Variants in CLTC observed in about 807,000 individuals in gnomAD.
CLTC encodes the protein clathrin heavy chain, also known as clathrin heavy chain 1.
CLTC carries 16 observed loss-of-function variants against 195.8 expected under a neutral mutation model. The ratio of observed to expected loss-of-function variants is 0.08; its 90% CI spans 0.06 to 0.12. The LOEUF (loss-of-function observed/expected upper bound fraction) is 0.12, where lower values mean the gene tolerates loss of function less well. Ranked by LOEUF, CLTC falls within the 10% of genes least tolerant of loss-of-function variation. The pLI is 1.00. For missense variants in CLTC, 796 were observed against 2,027.0 expected, an observed-to-expected ratio of 0.39 and a Z score of 11.66; for synonymous variants, 667 against 689.4, an observed-to-expected ratio of 0.97 and a Z score of 0.51.
intron 5 of CLTC, among the ~76,000 whole-genome samples, chr17:59,654,135 G>T (rs1403315589): frequency 6.6e-6 from 1 of 152,052 alleles, no homozygotes; most frequent in Non-Finnish European, 1.5e-5. Context: ...CTGTGGCTGG[G>T]ATACAGACAC....
Position 59,682,570 on chromosome 17 carries a change from A to G in CLTC, c.3601-59A>G. ...TCTCATTGTGAAGATATCAATTTGA[A>G]AAGAGGATTAAGCTCACACTAATAT... On this transcript the variant is annotated intron_variant, in intron 22 of 31. Transcript: ENST00000269122. This position sits in a 1 kb window ranked among gnomAD's most constrained non-coding sequence, Gnocchi z 6.8. 1 of 1,588,762 alleles carries G rather than the reference A, an allele frequency of 6.3e-7. No individual in the cohort carries two copies.
chr17:59,655,892 G>A lies in CLTC; in HGVS notation c.834G>A (p.Lys278=), dbSNP rs752135383. Residue 278 remains lysine, a synonymous_variant, in exon 6 of 32, where the codon AAG becomes AAA. Transcript: ENST00000269122. ...EKHDVVFLIT[K]YGYIHLYDLE... The stretch of plus-strand genomic sequence containing the variant: ...ATGATGTGGTGTTCTTGATAACCAA[G>A]TATGGTTATATCCACCTCTATGATC... 1.7e-5 allele frequency: 28 copies of A among 1,603,004 alleles called. No individual in the cohort carries two copies. The Admixed American group carries it at 4.8e-4, about 28-fold the overall frequency.
rs192656845 is a variant in CLTC, at chr17:59,639,251, C to G, written c.43-5025C>G. On this transcript the variant is annotated intron_variant, in intron 1 of 31. Coordinates refer to ENST00000269122, the MANE Select transcript of CLTC (RefSeq NM_004859.4). ...ATAACTCTGAAATGCAAAAGTATCT[C>G]TAATTGCTTAGGGGAGAAGGGTATT... Among the ~76,000 whole-genome samples, 34 of 152,254 alleles carry G rather than the reference C, an allele frequency of 2.2e-4. No homozygotes were observed. In the East Asian group the frequency reaches 6.4e-3, roughly 28 times the overall value.
intron 1 of CLTC, among the ~76,000 whole-genome samples, chr17:59,634,338 G>T (rs73331144): frequency 0.041 from 6,302 of 152,080 alleles, 352 homozygotes; most frequent in African/African-American, 0.13. Flanking sequence ...CATAATCTTG[G>T]TAAGTCATAT....
chr17:59,647,161 A>G (rs1222214845), intron 2 of CLTC, among the ~76,000 whole-genome samples: 1 of 152,204 alleles, frequency 6.6e-6, no homozygotes, highest in Non-Finnish European at 1.5e-5. Flanking sequence ...ATTCCATGGA[A>G]GTCATACTAT....
At chr17:59,670,727 TA>T (rs1235569018) in intron 14 of CLTC, among the ~76,000 whole-genome samples, 2 of 152,040 alleles carry the variant, frequency 1.3e-5, no homozygotes, top group African/African-American at 2.4e-5. Context: ...TTTTGAGCTT[TA>T]AAAAAAATCC....
intron 14 of CLTC, among the ~76,000 whole-genome samples, chr17:59,671,469 G>A (rs1041378111): frequency 6.6e-6 from 1 of 152,124 alleles, no homozygotes; most frequent in Admixed American, 6.6e-5. Context: ...GAATATTCAA[G>A]TGCCAATTGT....
At chr17:59,674,621 G>A (rs958009951) in intron 15 of CLTC, 80 bp from the exon 16 acceptor site, 14 of 1,283,678 alleles carry the variant, frequency 1.1e-5, no homozygotes, top group African/African-American at 3.1e-5. Flanking sequence ...GCTTAAAAGC[G>A]ATAGAGATAA....
chr17:59,669,737 T>TATATATATAA (rs34143309), intron 14 of CLTC, among the ~76,000 whole-genome samples: 47 of 151,594 alleles, frequency 3.1e-4, no homozygotes, highest in African/African-American at 1.1e-3. Context: ...TATATATATA[T>TATATATATAA]AATGATTCCT....
chr17:59,656,246 A>G, intron 6 of CLTC: 1 of 409,494 alleles, frequency 2.4e-6, no homozygotes, highest in Middle Eastern at 6.7e-4. Context: ...ATATATACCT[A>G]AAAATAGAGA....
rs370401171 is a variant in CLTC, at chr17:59,681,869, C to G, written c.3442+30C>G. 5.8e-6 allele frequency: 9 copies of G among 1,551,992 alleles called. No individual in the cohort carries two copies. The highest frequency in any genetic ancestry group is 7.9e-6 in the Non-Finnish European group (9 of 1,140,106). On this transcript the variant is annotated intron_variant, in intron 21 of 31. Transcript: ENST00000269122. This position sits in a 1 kb window ranked among gnomAD's most constrained non-coding sequence, Gnocchi z 5.0. ...GACTTCTTACCTTATGTATTGAAAC[C>G]TCATAAAATGATTAAGCTAAGCATT...
chr17:59,681,891 C>T lies in CLTC; in HGVS notation c.3442+52C>T. 1 of 1,456,116 alleles carries T rather than the reference C, an allele frequency of 6.9e-7. No homozygotes were observed. 90.2% of individuals were successfully genotyped at this position (1,456,116 alleles called of 1,614,324 possible). A position where few individuals can be genotyped will look rare whatever the true frequency, so the allele number is the denominator to read the frequency against. ...AACCTCATAAAATGATTAAGCTAAGCATTAAGATATCTGTCTATTCTGAAT... is the reference window on the plus strand; with the variant it reads ...AACCTCATAAAATGATTAAGCTAAGTATTAAGATATCTGTCTATTCTGAAT... On this transcript the variant is annotated intron_variant, in intron 21 of 31. Transcript: ENST00000269122. This position sits in a 1 kb window ranked among gnomAD's most constrained non-coding sequence, Gnocchi z 5.0.
intron 1 of CLTC, among the ~76,000 whole-genome samples, 155 bp downstream of exon 1, chr17:59,620,328 T>G (rs1393655627): frequency 6.6e-6 from 1 of 151,758 alleles, no homozygotes; most frequent in African/African-American, 2.4e-5. Context: ...CTTGGAAAGC[T>G]TAAAATATTA....
intron 31 of CLTC, among the ~76,000 whole-genome samples, chr17:59,691,473 G>C (rs2033296179): frequency 1.3e-5 from 2 of 151,670 alleles, no homozygotes; most frequent in Admixed American, 6.6e-5. Flanking sequence ...AAATGCAAAA[G>C]ATTAGCCGGG....
chr17:59,679,600 G>A lies in CLTC; in HGVS notation c.2919+81G>A, dbSNP rs373405059. 1.5e-5 allele frequency: 19 copies of A among 1,278,036 alleles called. No homozygotes were observed. In the South Asian group the frequency reaches 3.0e-4, roughly 20 times the overall value. 79.2% of individuals were successfully genotyped at this position (1,278,036 alleles called of 1,614,324 possible). A position where few individuals can be genotyped will look rare whatever the true frequency, so the allele number is the denominator to read the frequency against. On this transcript the variant is annotated intron_variant, in intron 18 of 31. Transcript: ENST00000269122. ...TGAATACAATCCTTTCCCTCATCATGTACTCAAATGGATCATATATAACTA... is the reference window on the plus strand; with the variant it reads ...TGAATACAATCCTTTCCCTCATCATATACTCAAATGGATCATATATAACTA...
chr17:59,655,952 C>T lies in CLTC; in HGVS notation c.894C>T (p.Ile298=). 1 of 1,613,082 alleles carries T rather than the reference C, an allele frequency of 6.2e-7. No individual in the cohort carries two copies. Among genetic ancestry groups the T allele is most frequent in the Non-Finnish European group, 8.5e-7 (1 of 1,179,642 alleles). The change falls in exon 6 of 32, where the codon ATC becomes ATT. Residue 298 remains isoleucine (I), a synonymous_variant. Transcript: ENST00000269122. ...GTACCTGCATCTACATGAATAGAAT[C>T]AGTGGAGAAACAATTTTTGTTACTG... is the stretch of plus-strand genomic sequence containing the variant. ...ETGTCIYMNR[I]SGETIFVTAP...
In CLTC at chr17:59,695,583, T is replaced by TC. The variant is rs1598253522; in HGVS notation, c.*1731_*1732insC. 3 of 179,178 alleles carry TC rather than the reference T, an allele frequency of 1.7e-5. No individual in the cohort carries two copies. In the East Asian group the frequency reaches 2.8e-4, roughly 17 times the overall value. 11.1% of individuals were successfully genotyped at this position (179,178 alleles called of 1,614,324 possible). On this transcript the variant is annotated 3_prime_UTR_variant, in exon 32 of 32. Transcript: ENST00000269122. ...AGGAGGCTGAGGCATGAGAATCACT[T>TC]GAACCTGTGAGGCAAAGGTTGTAGT...
At chr17:59,661,919 A>G (rs2032617042) in intron 8 of CLTC, among the ~76,000 whole-genome samples, 1 of 152,108 alleles carries the variant, frequency 6.6e-6, no homozygotes, top group African/African-American at 2.4e-5. Flanking sequence ...CCTGACCAAC[A>G]TGGAGAAACC....
At position 59,693,986 on chromosome 17, in the gene CLTC, C is replaced by A; in HGVS notation, c.*134C>A. 1.1e-6 allele frequency: 1 copy of A among 951,918 alleles called. No homozygotes were observed. Among genetic ancestry groups the A allele is most frequent in the Non-Finnish European group, 1.5e-6 (1 of 687,802 alleles). 59.0% of individuals were successfully genotyped at this position (951,918 alleles called of 1,614,324 possible). A position where few individuals can be genotyped will look rare whatever the true frequency, so the allele number is the denominator to read the frequency against. Reference sequence around the variant, plus strand: ...TTTCATGAAGGACTTCTTTTTGTTTCTAACTATAAACTTGGATCACCTATG... The same window carrying A: ...TTTCATGAAGGACTTCTTTTTGTTTATAACTATAAACTTGGATCACCTATG... On this transcript the variant is annotated 3_prime_UTR_variant, in exon 32 of 32. Coordinates refer to ENST00000269122, the MANE Select transcript of CLTC (RefSeq NM_004859.4).
Sources: gnomAD v4.1 joint callset for allele counts (sites outside exome capture counted in the v4.1 genomes callset) on GRCh38, gnomAD v4.1.1 for gene constraint, Gnocchi (gnomAD v3.1) non-coding constraint, MANE v1.5 for transcripts, NCBI Gene and HGNC (gene_info 2026-07-23, HGNC 2026-07-21) for gene names.